The following CCDC6 variants were observed in gnomAD, a reference collection of about 807,000 sequenced individuals.
The protein encoded by CCDC6 is coiled-coil domain containing 6.
A neutral mutation model predicts 56.6 loss-of-function variants in CCDC6; 20 were observed. The observed-to-expected ratio is 0.35, with a 90% CI of 0.25 to 0.51. CCDC6 has a LOEUF of 0.51. CCDC6 is among the 20% of genes least tolerant of loss of function. The pLI, the probability that CCDC6 is intolerant of heterozygous loss-of-function variation, is 0.95. For missense variants in CCDC6, 367 were observed against 601.1 expected (o/e 0.61, Z 4.07); for synonymous variants, 241 against 234.4 (o/e 1.03, Z -0.26).
At chr10:59,821,818 A>C (rs1252236593) in intron 3 of CCDC6, among the ~76,000 whole-genome samples, 1 of 152,238 alleles carries the variant, frequency 6.6e-6, no homozygotes, top group Non-Finnish European at 1.5e-5. Context: ...ACTATACAGC[A>C]AGATAAATAT....
chr10:59,850,620 G>C (rs1021999296), intron 2 of CCDC6, among the ~76,000 whole-genome samples: 1 of 152,096 alleles, frequency 6.6e-6, no homozygotes, highest in Non-Finnish European at 1.5e-5. Flanking sequence ...AGTTTATTTT[G>C]TTCAGTTTAT....
intron 1 of CCDC6, among the ~76,000 whole-genome samples, chr10:59,871,468 TAAAAAAAAAAAAAAAA>T (rs138741485): frequency 2.0e-5 from 2 of 98,492 alleles, no homozygotes; most frequent in South Asian, 3.8e-4. Context: ...TAATACTCAT[TAAAAAAAAAAAAAAAA>T]AAAAAAAAAG....
chr10:59,809,223 T>C (rs935768003), intron 5 of CCDC6, among the ~76,000 whole-genome samples: 28 of 152,168 alleles, frequency 1.8e-4, no homozygotes, highest in African/African-American at 6.3e-4. Context: ...AGGACTCTTA[T>C]AATGCCTTTT....
chr10:59,887,097 T>C (rs1346812300), intron 1 of CCDC6, among the ~76,000 whole-genome samples: 1 of 152,204 alleles, frequency 6.6e-6, no homozygotes, highest in African/African-American at 2.4e-5. Flanking sequence ...ACAATGTCAC[T>C]TCTGTGAATT....
chr10:59,893,637 TAC>T (rs1379633638), intron 1 of CCDC6, among the ~76,000 whole-genome samples: 4 of 112,920 alleles, frequency 3.5e-5, no homozygotes, highest in African/African-American at 1.0e-4. Context: ...CATACATACA[TAC>T]ATACATACAT....
chr10:59,788,810 T>C lies in CCDC6; in HGVS notation c.*4107A>G. On this transcript the variant is annotated 3_prime_UTR_variant, in exon 9 of 9. Coordinates refer to ENST00000263102, the MANE Select transcript of CCDC6 (RefSeq NM_005436.5). ...ATTTAGGTTTCTGATTCAGCACATG[T>C]ATCAAAGACTAATCAACATAAAGGA... 1 of 192,138 alleles carries C rather than the reference T, an allele frequency of 5.2e-6. No individual in the cohort carries two copies. Among genetic ancestry groups the C allele is most frequent in the East Asian group, 8.2e-5 (1 of 12,128 alleles). The allele number at this position is 192,138 out of a possible 1,614,324, so 11.9% of individuals were successfully genotyped here.
intron 1 of CCDC6, among the ~76,000 whole-genome samples, chr10:59,857,377 T>C (rs757528216): frequency 1.3e-5 from 2 of 152,210 alleles, no homozygotes; most frequent in African/African-American, 2.4e-5. Flanking sequence ...ACAAATTTGA[T>C]AGGAGATTCT....
intron 7 of CCDC6, among the ~76,000 whole-genome samples, chr10:59,797,683 TTGTGTGTGTGTG>T (rs72280811): frequency 9.2e-5 from 13 of 140,618 alleles, no homozygotes; most frequent in South Asian, 4.7e-4. Context: ...AGTGAGAGTG[TTGTGTGTGTGTG>T]TGTGTGTGTG....
At chr10:59,875,841 C>CA in intron 1 of CCDC6, among the ~76,000 whole-genome samples, 1 of 152,200 alleles carries the variant, frequency 6.6e-6, no homozygotes, top group East Asian at 1.9e-4. Flanking sequence ...CTAACGAAGA[C>CA]AAAAGCTCTG....
intron 3 of CCDC6, among the ~76,000 whole-genome samples, chr10:59,822,685 A>C (rs536446908): frequency 1.2e-4 from 18 of 152,212 alleles, no homozygotes; most frequent in Middle Eastern, 3.4e-3. Flanking sequence ...GCTTGAACCG[A>C]GGAATTTGAG....
chr10:59,795,470 T>TA (rs1385315279), intron 7 of CCDC6, among the ~76,000 whole-genome samples: 103 of 130,460 alleles, frequency 7.9e-4, no homozygotes, highest in African/African-American at 2.6e-3. Context: ...TCTTATTCAT[T>TA]TTTATTATTA....
intron 1 of CCDC6, among the ~76,000 whole-genome samples, chr10:59,882,072 CG>C (rs71185291): frequency 2.1e-3 from 81 of 38,494 alleles, no homozygotes; most frequent in Middle Eastern, 0.019. Flanking sequence ...AGGAAAGCCG[CG>C]GGGAGAAGGA....
chr10:59,814,907 C>G, intron 3 of CCDC6, 152 bp from the exon 4 acceptor site: 1 of 598,748 alleles, frequency 1.7e-6, no homozygotes, highest in Middle Eastern at 2.7e-4. Flanking sequence ...GCATCTAGTT[C>G]TTAAACTTTG....
Position 59,816,870 on chromosome 10 carries a change from T to G in CCDC6, c.583-2115A>C, listed in dbSNP as rs1338452047. Among the ~76,000 whole-genome samples the G allele has an allele frequency of 2.6e-5, 4 of 152,092 alleles. No individual in the cohort carries two copies. In the East Asian group the frequency reaches 7.7e-4, roughly 29 times the overall value. On this transcript the variant is annotated intron_variant, in intron 3 of 8. Transcript: ENST00000263102. ...TATATTAGAGGGCTTATTTGACAAG[T>G]GAATAAGCCATGATTATGTAGCAAA...
At chr10:59,807,832 T>A (rs557842908) in intron 5 of CCDC6, among the ~76,000 whole-genome samples, 1 of 152,264 alleles carries the variant, frequency 6.6e-6, no homozygotes, top group Admixed American at 6.5e-5. Flanking sequence ...CAGCAAGCCA[T>A]CTAGGGGAGC....
intron 1 of CCDC6, among the ~76,000 whole-genome samples, chr10:59,862,159 C>T (rs982958325): frequency 7.9e-5 from 12 of 152,014 alleles, no homozygotes; most frequent in African/African-American, 2.9e-4. Flanking sequence ...AAACAAGTGA[C>T]TGGTATCCTA....
chr10:59,876,356 T>C (rs767023966), intron 1 of CCDC6, among the ~76,000 whole-genome samples: 4 of 151,914 alleles, frequency 2.6e-5, no homozygotes, highest in Non-Finnish European at 5.9e-5. Context: ...GCCTCACATA[T>C]CATTTTTTTA....
intron 1 of CCDC6, among the ~76,000 whole-genome samples, chr10:59,857,428 C>T (rs1398033422): frequency 6.6e-6 from 1 of 152,122 alleles, no homozygotes; most frequent in African/African-American, 2.4e-5. Flanking sequence ...TTATCAATGG[C>T]GTTTTGGAGA....
In CCDC6 at chr10:59,791,481, A is replaced by G. The variant is rs1296468647; in HGVS notation, c.*1436T>C. 1 of 196,192 alleles carries G rather than the reference A, an allele frequency of 5.1e-6. No individual in the cohort carries two copies. Among genetic ancestry groups the G allele is most frequent in the African/African-American group, 2.3e-5 (1 of 43,282 alleles). The allele number at this position is 196,192 out of a possible 1,614,324, so 12.2% of individuals were successfully genotyped here. On this transcript the variant is annotated 3_prime_UTR_variant, in exon 9 of 9. Coordinates refer to ENST00000263102, the MANE Select transcript of CCDC6 (RefSeq NM_005436.5). Reference sequence around the variant, plus strand: ...TTCCTTATTTTTAGGAGTGTGTTTAATAAAGAGTTGGCTATTAGAGATGGT... The same window carrying G: ...TTCCTTATTTTTAGGAGTGTGTTTAGTAAAGAGTTGGCTATTAGAGATGGT...
Sources: gnomAD v4.1 joint callset for allele counts (sites outside exome capture counted in the v4.1 genomes callset) on GRCh38, gnomAD v4.1.1 for gene constraint, MANE v1.5 for transcripts, NCBI Gene and HGNC (gene_info 2026-07-23, HGNC 2026-07-21) for gene names.